MICU2: variants seen among roughly 807,000 people sequenced by gnomAD.
The protein encoded by MICU2 is calcium uptake protein 2, mitochondrial.
Under a neutral mutation model 60.4 loss-of-function variants are expected in MICU2, and 64 were observed. That is an observed-to-expected ratio of 1.06 (90% CI 0.87 to 1.31). The LOEUF (loss-of-function observed/expected upper bound fraction) is 1.31, where lower values mean the gene tolerates loss of function less well. MICU2 is among the 50% of genes most tolerant of loss of function. The pLI is 0.00. For synonymous variants in MICU2, 201 were observed against 175.0 expected (o/e 1.15, Z -1.17); for missense variants, 569 against 531.0 (o/e 1.07, Z -0.70).
Position 21,493,086 on chromosome 13 carries a change from C to G in MICU2, c.*163G>C, listed in dbSNP as rs1357631158. On this transcript the variant is annotated 3_prime_UTR_variant, in exon 12 of 12. Transcript: ENST00000382374. ...ATTTTTATACTTACTTTTCTTTCTA[C>G]TAAGTTCTTTAATAAAATTATGAAT... is the stretch of plus-strand genomic sequence containing the variant. The G allele has an allele frequency of 6.4e-6, 3 of 470,100 alleles. No homozygotes were observed. Among genetic ancestry groups the G allele is most frequent in the Non-Finnish European group, 1.1e-5 (3 of 269,620 alleles). The allele number at this position is 470,100 out of a possible 1,614,324, so 29.1% of individuals were successfully genotyped here. A position where few individuals can be genotyped will look rare whatever the true frequency, so the allele number is the denominator to read the frequency against.
intron 1 of MICU2, among the ~76,000 whole-genome samples, chr13:21,573,339 T>C (rs1888155403): frequency 6.6e-6 from 1 of 152,140 alleles, no homozygotes; most frequent in Non-Finnish European, 1.5e-5. Context: ...AGTGGCGCCA[T>C]CTCGGCTCAC....
chr13:21,496,572 G>C (rs1334357660), intron 9 of MICU2: 2 of 160,952 alleles, frequency 1.2e-5, no homozygotes, highest in Non-Finnish European at 2.7e-5. Flanking sequence ...AGAGCACAGA[G>C]TTTTGGAGTT....
intron 1 of MICU2, among the ~76,000 whole-genome samples, chr13:21,570,523 CAAG>C (rs1283091699): frequency 1.3e-5 from 2 of 152,054 alleles, no homozygotes; most frequent in Non-Finnish European, 2.9e-5. Context: ...ATATTGTTCC[CAAG>C]AAGAAAAAAG....
chr13:21,526,935 A>T (rs1886873205), intron 4 of MICU2, among the ~76,000 whole-genome samples: 1 of 152,212 alleles, frequency 6.6e-6, no homozygotes, highest in South Asian at 2.1e-4. Flanking sequence ...AAGCAAATAA[A>T]GGAGGGAGTC....
At chr13:21,531,097 C>A in intron 4 of MICU2, 1 of 980,856 alleles carries the variant, frequency 1.0e-6, no homozygotes, top group Non-Finnish European at 1.7e-6. Context: ...GATTTACAAC[C>A]AAGGCATAGT....
At chr13:21,500,109 GA>G (rs1886107739) in intron 9 of MICU2, among the ~76,000 whole-genome samples, 1 of 151,756 alleles carries the variant, frequency 6.6e-6, no homozygotes, top group Non-Finnish European at 1.5e-5. Context: ...GCTGTGATGT[GA>G]ATCTGCTGTG....
intron 8 of MICU2, among the ~76,000 whole-genome samples, chr13:21,503,481 T>C (rs1886228186): frequency 6.6e-6 from 1 of 152,228 alleles, no homozygotes; most frequent in Non-Finnish European, 1.5e-5. Context: ...AAATTTAAAA[T>C]TGAGGTGGGA....
chr13:21,539,504 T>G (rs909214887), intron 3 of MICU2, 127 bp from the exon 4 acceptor site: 1 of 1,294,878 alleles, frequency 7.7e-7, no homozygotes, highest in South Asian at 1.3e-5. Context: ...GGCTTCACTG[T>G]GTTAGCCAGG....
chr13:21,601,014 T>G (rs1440133855), intron 1 of MICU2, among the ~76,000 whole-genome samples: 1 of 152,170 alleles, frequency 6.6e-6, no homozygotes, highest in Non-Finnish European at 1.5e-5. Context: ...GCCAGGATGG[T>G]CTCGATCTCC....
chr13:21,509,983 A>C, intron 8 of MICU2, 21 bp downstream of exon 8: 2 of 1,389,244 alleles, frequency 1.4e-6, no homozygotes, highest in Non-Finnish European at 2.0e-6. Flanking sequence ...TCCCTAAATG[A>C]ATGTAAATAT....
chr13:21,596,218 T>G (rs1888688320), intron 1 of MICU2, among the ~76,000 whole-genome samples: 1 of 152,136 alleles, frequency 6.6e-6, no homozygotes, highest in African/African-American at 2.4e-5. Context: ...CACTTGTGCA[T>G]TTGCTAGGCT....
intron 9 of MICU2, among the ~76,000 whole-genome samples, chr13:21,499,968 A>G (rs562513331): frequency 5.3e-5 from 8 of 152,266 alleles, no homozygotes; most frequent in African/African-American, 1.9e-4. Context: ...ACTGTTCCTC[A>G]GGAGCACAGG....
intron 1 of MICU2, 134 bp downstream of exon 1, chr13:21,603,805 G>T: frequency 2.0e-6 from 2 of 993,282 alleles, no homozygotes; most frequent in East Asian, 2.9e-5. Context: ...ACCAGTCGCA[G>T]GGCGCTCCGA....
chr13:21,594,987 C>T (rs900900993), intron 1 of MICU2, among the ~76,000 whole-genome samples: 1 of 152,038 alleles, frequency 6.6e-6, no homozygotes, highest in Admixed American at 6.5e-5. Context: ...GCACATGTAT[C>T]CTGTTTTTGT....
At chr13:21,498,316 T>TC (rs1166920395) in intron 9 of MICU2, among the ~76,000 whole-genome samples, 1 of 150,748 alleles carries the variant, frequency 6.6e-6, no homozygotes, top group African/African-American at 2.4e-5. Flanking sequence ...CCAGTTCCAT[T>TC]CCCCAGACAT....
chr13:21,601,225 T>C (rs182655298), intron 1 of MICU2, among the ~76,000 whole-genome samples: 18 of 152,342 alleles, frequency 1.2e-4, no homozygotes, highest in African/African-American at 4.3e-4. Context: ...TTCTGGTATA[T>C]ATCTAGCTCA....
chr13:21,580,404 A>C (rs898510328), intron 1 of MICU2, among the ~76,000 whole-genome samples: 1 of 152,204 alleles, frequency 6.6e-6, no homozygotes, highest in Non-Finnish European at 1.5e-5. Context: ...GCATTTGGGT[A>C]ATCTTTCCCT....
intron 7 of MICU2, 80 bp downstream of exon 7, chr13:21,514,273 G>T: frequency 8.4e-7 from 1 of 1,191,834 alleles, no homozygotes; most frequent in Non-Finnish European, 1.2e-6. Flanking sequence ...AAATCTATTG[G>T]TAACTATCGG....
At position 21,521,399 on chromosome 13, in the gene MICU2, A is replaced by C. The variant is rs527969283; in HGVS notation, c.515-72T>G. ...GTTATTTGTAGATAGATAGGTCTTC[A>C]AATTTGACATACACTAGCAGAAACT... On this transcript the variant is annotated intron_variant, in intron 5 of 11. Transcript: ENST00000382374. 8.4e-6 allele frequency: 10 copies of C among 1,193,268 alleles called. No individual in the cohort carries two copies. The South Asian group carries it at 1.2e-4, about 15-fold the overall frequency. 73.9% of individuals were successfully genotyped at this position (1,193,268 alleles called of 1,614,324 possible). A position where few individuals can be genotyped will look rare whatever the true frequency, so the allele number is the denominator to read the frequency against.
Sources: allele counts gnomAD v4.1 joint callset (sites outside exome capture counted in the v4.1 genomes callset), GRCh38; gene constraint gnomAD v4.1.1; transcripts MANE v1.5; gene names NCBI Gene and HGNC (gene_info 2026-07-23, HGNC 2026-07-21).